Variants in CHCHD3 observed in about 807,000 individuals in gnomAD.
CHCHD3 encodes coiled-coil-helix-coiled-coil-helix domain containing 3.
Under a neutral mutation model 38.2 loss-of-function variants are expected in CHCHD3, and 20 were observed. The ratio of observed to expected loss-of-function variants is 0.52; its 90% CI spans 0.37 to 0.76. The LOEUF is 0.76. Among genes scored for constraint, CHCHD3 ranks in the 30% least tolerant of loss-of-function variants. CHCHD3 has a pLI of 0.00. For synonymous variants in CHCHD3, 82 were observed against 100.0 expected (o/e 0.82, Z 1.07); for missense variants, 245 against 279.2 (o/e 0.88, Z 0.87).
chr7:132,940,933 G>C (rs1358459818), intron 4 of CHCHD3, among the ~76,000 whole-genome samples: 2 of 152,066 alleles, frequency 1.3e-5, no homozygotes, highest in African/African-American at 4.8e-5. Flanking sequence ...GGAAATCTTA[G>C]ATCTTGGACT....
chr7:132,802,197 G>A (rs1478036326), intron 6 of CHCHD3, among the ~76,000 whole-genome samples: 1 of 152,034 alleles, frequency 6.6e-6, no homozygotes, highest in Non-Finnish European at 1.5e-5. Flanking sequence ...GAAATGATGG[G>A]GGGCAGGGTG....
chr7:132,908,806 T>G (rs1395222386), intron 4 of CHCHD3, among the ~76,000 whole-genome samples: 1 of 152,218 alleles, frequency 6.6e-6, no homozygotes, highest in Non-Finnish European at 1.5e-5. Flanking sequence ...AATAGTTGTG[T>G]AGTACTTTAG....
At chr7:133,012,077 T>C (rs1812892441) in intron 3 of CHCHD3, among the ~76,000 whole-genome samples, 1 of 152,220 alleles carries the variant, frequency 6.6e-6, no homozygotes, top group African/African-American at 2.4e-5. Context: ...AATTTTCTGT[T>C]AGACTAGCAT....
At chr7:132,886,516 T>C (rs1015271319) in intron 4 of CHCHD3, among the ~76,000 whole-genome samples, 3 of 151,810 alleles carry the variant, frequency 2.0e-5, no homozygotes, top group Admixed American at 1.3e-4. Context: ...GGCCTTTATC[T>C]CTGAGGGATG....
chr7:132,869,006 C>T (rs751920366), intron 5 of CHCHD3, among the ~76,000 whole-genome samples: 1 of 151,046 alleles, frequency 6.6e-6, no homozygotes, highest in Non-Finnish European at 1.5e-5. Context: ...TTAACAACAA[C>T]AAAAAAAAAC....
At chr7:133,023,727 TA>T (rs941874717) in intron 3 of CHCHD3, among the ~76,000 whole-genome samples, 2 of 152,072 alleles carry the variant, frequency 1.3e-5, no homozygotes, top group African/African-American at 4.8e-5. Context: ...AAGTAGTATT[TA>T]AAAAAAATGC....
chr7:132,962,954 A>G (rs994718809), intron 4 of CHCHD3, among the ~76,000 whole-genome samples: 2 of 152,150 alleles, frequency 1.3e-5, no homozygotes, highest in Admixed American at 6.5e-5. Context: ...CAGTTGCTAT[A>G]AAGAATATTA....
chr7:133,036,541 T>C (rs1316149034), intron 2 of CHCHD3, among the ~76,000 whole-genome samples: 1 of 152,178 alleles, frequency 6.6e-6, no homozygotes, highest in Non-Finnish European at 1.5e-5. Flanking sequence ...ATATGTCATA[T>C]CTGGTTCATC....
At chr7:132,847,971 A>G (rs2032949) in intron 5 of CHCHD3, among the ~76,000 whole-genome samples, 79,922 of 152,004 alleles carry the variant, frequency 0.53, 21,136 homozygotes, top group South Asian at 0.6. Context: ...ACTATTTCCC[A>G]GAAAAGAACA....
chr7:133,053,774 T>G (rs1364354040), intron 2 of CHCHD3, among the ~76,000 whole-genome samples: 1 of 152,240 alleles, frequency 6.6e-6, no homozygotes, highest in Non-Finnish European at 1.5e-5. Flanking sequence ...TTATTTAAGT[T>G]ACTTGATGAT....
intron 5 of CHCHD3, among the ~76,000 whole-genome samples, chr7:132,843,338 A>G (rs1807991471): frequency 6.6e-6 from 1 of 152,176 alleles, no homozygotes; most frequent in African/African-American, 2.4e-5. Flanking sequence ...TGCATTATTT[A>G]CAAGCAGCTT....
intron 5 of CHCHD3, among the ~76,000 whole-genome samples, chr7:132,844,832 G>A (rs1022615583): frequency 1.3e-4 from 20 of 152,262 alleles, no homozygotes; most frequent in African/African-American, 3.6e-4. Flanking sequence ...ATATTTGGAA[G>A]ATATTTCTGT....
chr7:132,944,283 A>G (rs1810842235), intron 4 of CHCHD3, among the ~76,000 whole-genome samples: 1 of 151,910 alleles, frequency 6.6e-6, no homozygotes, highest in African/African-American at 2.4e-5. Context: ...TAATATCATC[A>G]TCTCCCTTGA....
At chr7:132,879,763 A>G (rs1009461510) in intron 5 of CHCHD3, among the ~76,000 whole-genome samples, 1 of 145,808 alleles carries the variant, frequency 6.9e-6, no homozygotes, top group African/African-American at 2.5e-5. Flanking sequence ...CTTTCTTTCC[A>G]GAAGATGGAA....
At position 132,975,013 on chromosome 7, in the gene CHCHD3, G is replaced by A. The variant is rs1384108147; in HGVS notation, c.369+156C>T. 5.0e-6 allele frequency: 3 copies of A among 600,564 alleles called. No homozygotes were observed. In the East Asian group the frequency reaches 8.1e-5, roughly 16 times the overall value. 37.2% of individuals were successfully genotyped at this position (600,564 alleles called of 1,614,324 possible). On this transcript the variant is annotated intron_variant, in intron 4 of 7. Coordinates refer to ENST00000262570, the MANE Select transcript of CHCHD3 (RefSeq NM_017812.4). ...AGTCCTTGATGGTTAAACCTAAACT[G>A]TAAGCTACTTATAAAAGGCAAAAAT...
At chr7:133,058,909 G>T (rs1814417884) in intron 2 of CHCHD3, among the ~76,000 whole-genome samples, 1 of 152,172 alleles carries the variant, frequency 6.6e-6, no homozygotes, top group Admixed American at 6.5e-5. Flanking sequence ...ATGCTTCTGT[G>T]TGTTTGAGCA....
intron 3 of CHCHD3, among the ~76,000 whole-genome samples, chr7:133,004,050 G>C (rs1446121623): frequency 2.0e-5 from 3 of 151,872 alleles, no homozygotes. Flanking sequence ...CTCCGCCGTG[G>C]AGCGATTCTC....
chr7:132,939,829 T>C (rs1198403155), intron 4 of CHCHD3, among the ~76,000 whole-genome samples: 2 of 152,218 alleles, frequency 1.3e-5, no homozygotes, highest in Non-Finnish European at 2.9e-5. Context: ...CCATTTACAC[T>C]AACTGCCATC....
At chr7:132,796,642 A>G in intron 6 of CHCHD3, 65 bp from the exon 7 acceptor site, 2 of 1,452,872 alleles carry the variant, frequency 1.4e-6, no homozygotes, top group Non-Finnish European at 1.9e-6. Context: ...TCAAGGTTAA[A>G]GAACACATAA....
Sources: allele counts gnomAD v4.1 joint callset (sites outside exome capture counted in the v4.1 genomes callset), GRCh38; gene constraint gnomAD v4.1.1; transcripts MANE v1.5; gene names NCBI Gene and HGNC (gene_info 2026-07-23, HGNC 2026-07-21).